Variants in ASMTL observed in about 807,000 individuals in gnomAD.
ASMTL encodes acetylserotonin O-methyltransferase like, also known as probable bifunctional dTTP/UTP pyrophosphatase/methyltransferase protein.
Under a neutral mutation model 60.3 loss-of-function variants are expected in ASMTL, and 57 were observed. The observed-to-expected ratio is 0.95, with a 90% CI of 0.76 to 1.18. ASMTL has a LOEUF of 1.18. Among genes scored for constraint, ASMTL ranks in the 50% most tolerant of loss-of-function variants. The pLI, the probability that ASMTL is intolerant of heterozygous loss-of-function variation, is 0.00. For missense variants in ASMTL, 981 were observed against 852.6 expected, an observed-to-expected ratio of 1.15 and a Z score of -1.88; for synonymous variants, 419 against 373.0, an observed-to-expected ratio of 1.12 and a Z score of -1.42.
chrX:1,413,511 G>C (rs1338258077), intron 11 of ASMTL, among the ~76,000 whole-genome samples: 1 of 152,238 alleles, frequency 6.6e-6, no homozygotes, highest in African/African-American at 2.4e-5. Flanking sequence ...CGCCCCAGGA[G>C]GGTTGCCTGT....
intron 10 of ASMTL, among the ~76,000 whole-genome samples, chrX:1,418,467 G>C (rs2090379512): frequency 6.6e-6 from 1 of 152,048 alleles, no homozygotes; most frequent in Admixed American, 6.5e-5. Flanking sequence ...GCCCAGGGGT[G>C]GGGGCTGTAC....
chrX:1,424,002 T>C (rs1203261053), intron 8 of ASMTL, among the ~76,000 whole-genome samples: 1 of 141,280 alleles, frequency 7.1e-6, no homozygotes, highest in Non-Finnish European at 1.5e-5. Context: ...ACCCATCCAA[T>C]CACTCATCCA....
chrX:1,413,333 G>T (rs1310717337), intron 11 of ASMTL, among the ~76,000 whole-genome samples: 18 of 147,300 alleles, frequency 1.2e-4, no homozygotes, highest in Admixed American at 1.2e-3. Flanking sequence ...TCGCACTCCA[G>T]CCTGGGCGAC....
chrX:1,448,382 A>ACCATCTTGGACACACCG (rs1186195666), intron 1 of ASMTL, among the ~76,000 whole-genome samples: 1 of 139,650 alleles, frequency 7.2e-6, no homozygotes, highest in South Asian at 2.3e-4. Flanking sequence ...GACAAGCACC[A>ACCATCTTGGACACACCG]CCATCTTGGA....
Position 1,427,885 on chromosome X carries a change from G to A in ASMTL, c.746C>T (p.Thr249Ile). The A allele has an allele frequency of 6.2e-7, 1 of 1,613,272 alleles. No individual in the cohort carries two copies. Among genetic ancestry groups the A allele is most frequent in the Non-Finnish European group, 8.5e-7 (1 of 1,179,838 alleles). Residue 249 changes from threonine to isoleucine, a missense_variant, in exon 7 of 13, where the codon ACT (threonine) becomes ATT (isoleucine). By Grantham distance (89) the Thr-to-Ile change is moderately conservative. Coordinates refer to ENST00000381317, the MANE Select transcript of ASMTL (RefSeq NM_004192.4). The stretch of plus-strand genomic sequence containing the variant: ...ATCGCGGCTGCCCGCGTCCCTCTGA[G>A]TGGGCTCCGAGCCGCCCCCCTCCAC... ...SDVEGGGSEPTQRDAGSRDEK... is the reference protein window; with the variant it reads ...SDVEGGGSEPIQRDAGSRDEK...
At chrX:1,451,472 G>A (rs1166164796) in intron 1 of ASMTL, among the ~76,000 whole-genome samples, 5 of 139,462 alleles carry the variant, frequency 3.6e-5, no homozygotes, top group Non-Finnish European at 7.8e-5. Flanking sequence ...TTGGGTCCCG[G>A]GTTACTCTCC....
At chrX:1,404,361 G>T (rs1362327101) in intron 12 of ASMTL, among the ~76,000 whole-genome samples, 5 of 151,678 alleles carry the variant, frequency 3.3e-5, no homozygotes, top group African/African-American at 1.2e-4. Flanking sequence ...TGGATGAGAT[G>T]GATGGGTGAA....
chrX:1,403,976 T>C (rs1225623328), intron 12 of ASMTL, among the ~76,000 whole-genome samples: 1 of 148,862 alleles, frequency 6.7e-6, no homozygotes, highest in African/African-American at 2.5e-5. Context: ...GATGGATGCA[T>C]GGATGTGATG....
At chrX:1,444,370 G>A (rs775188144) in intron 1 of ASMTL, among the ~76,000 whole-genome samples, 48 of 151,754 alleles carry the variant, frequency 3.2e-4, no homozygotes, top group East Asian at 1.9e-3. Flanking sequence ...CACCACACCC[G>A]GCTAATTTTT....
At chrX:1,414,645 T>C (rs2090165724) in intron 11 of ASMTL, among the ~76,000 whole-genome samples, 2 of 151,706 alleles carry the variant, frequency 1.3e-5, no homozygotes, top group African/African-American at 4.8e-5. Context: ...GAAGTGGAGG[T>C]TGCAGTGAGC....
intron 12 of ASMTL, 106 bp downstream of exon 12, chrX:1,412,626 G>C: frequency 1.3e-6 from 2 of 1,507,258 alleles, no homozygotes; most frequent in South Asian, 1.1e-5. Context: ...GCCTCCCAAA[G>C]CGCTGGGATG....
At chrX:1,419,307 G>A (rs2090409313) in intron 9 of ASMTL, 193 bp from the exon 10 acceptor site, 1 of 189,230 alleles carries the variant, frequency 5.3e-6, no homozygotes, top group African/African-American at 2.4e-5. Context: ...GCTGGCTGGG[G>A]ACAGAGGACC....
chrX:1,445,947 ACT>A (rs1569534902), intron 1 of ASMTL, among the ~76,000 whole-genome samples: 3 of 151,528 alleles, frequency 2.0e-5, no homozygotes, highest in African/African-American at 7.3e-5. Context: ...TTTAGAGAAG[ACT>A]CTGCTCCTCC....
At position 1,403,204 on chromosome X, in the gene ASMTL, G is replaced by A; in HGVS notation, c.*65C>T. ...CTATGTGACTGTCCTATGGTACTTG[G>A]GGACCGGGCGGTCCACCTGCAGCCT... On this transcript the variant is annotated 3_prime_UTR_variant, in exon 13 of 13. Transcript: ENST00000381317. 7.4e-7 allele frequency: 1 copy of A among 1,354,410 alleles called. No individual in the cohort carries two copies. The highest frequency in any genetic ancestry group is 1.1e-6 in the Non-Finnish European group (1 of 950,730). 83.9% of individuals were successfully genotyped at this position (1,354,410 alleles called of 1,614,324 possible).
intron 7 of ASMTL, 105 bp downstream of exon 7, chrX:1,427,629 T>G: frequency 7.7e-7 from 1 of 1,296,174 alleles, no homozygotes; most frequent in South Asian, 1.4e-5. Flanking sequence ...CAACCTGACC[T>G]CAGACTGCCA....
intron 2 of ASMTL, among the ~76,000 whole-genome samples, chrX:1,439,644 C>T (rs1297427762): frequency 2.0e-5 from 3 of 151,950 alleles, no homozygotes; most frequent in African/African-American, 2.4e-5. Context: ...GTCAGGAGTT[C>T]GAGACCAGCC....
chrX:1,422,074 C>T (rs1481550613), intron 8 of ASMTL, among the ~76,000 whole-genome samples: 2 of 152,174 alleles, frequency 1.3e-5, no homozygotes, highest in Admixed American at 6.5e-5. Context: ...AGGAAAACAG[C>T]AGCCACCACG....
chrX:1,452,645 G>A (rs1367440478), intron 1 of ASMTL, 103 bp downstream of exon 1: 2 of 948,452 alleles, frequency 2.1e-6, no homozygotes, highest in Admixed American at 2.4e-5. Flanking sequence ...AGGGTCTCGG[G>A]TCACTCTCCC....
At chrX:1,437,571 A>G (rs771572852) in intron 3 of ASMTL, among the ~76,000 whole-genome samples, 34 of 151,990 alleles carry the variant, frequency 2.2e-4, no homozygotes, top group East Asian at 1.2e-3. Context: ...TCAGGCTGCT[A>G]TCACAGAATA....
Sources: allele counts gnomAD v4.1 joint callset (sites outside exome capture counted in the v4.1 genomes callset), GRCh38; gene constraint gnomAD v4.1.1; transcripts MANE v1.5; gene names NCBI Gene and HGNC (gene_info 2026-07-23, HGNC 2026-07-21).